Variants in PDE1C observed in about 807,000 individuals in gnomAD.
PDE1C encodes the protein dual specificity calcium/calmodulin-dependent 3',5'-cyclic nucleotide phosphodiesterase 1C.
In PDE1C, 62 loss-of-function variants were observed where a neutral mutation model predicts 93.1. That is an observed-to-expected ratio of 0.67 (90% CI 0.54 to 0.82). The LOEUF (loss-of-function observed/expected upper bound fraction) is 0.82, where lower values mean the gene tolerates loss of function less well. PDE1C is among the 40% of genes least tolerant of loss of function. The pLI is 0.00. For missense variants in PDE1C, 742 were observed against 884.6 expected, an observed-to-expected ratio of 0.84 and a Z score of 2.04; for synonymous variants, 325 against 310.1, an observed-to-expected ratio of 1.05 and a Z score of -0.50.
At chr7:32,387,543 G>C (rs9769785) in intron 1 of PDE1C, among the ~76,000 whole-genome samples, 1 of 140,592 alleles carries the variant, frequency 7.1e-6, no homozygotes, top group African/African-American at 2.6e-5. Context: ...GCGGCTGGCC[G>C]GGCAGAGGGG....
chr7:32,217,464 C>T (rs1365697854), intron 1 of PDE1C, among the ~76,000 whole-genome samples: 2 of 114,470 alleles, frequency 1.7e-5, no homozygotes, highest in Admixed American at 9.7e-5. Flanking sequence ...CTTCCTTTGC[C>T]CCCATGTGGT....
In PDE1C at chr7:31,823,110, G is replaced by A; in HGVS notation, c.1545C>T (p.His515=). 1 of 1,612,984 alleles carries A rather than the reference G, an allele frequency of 6.2e-7. No homozygotes were observed. The highest frequency in any genetic ancestry group is 8.5e-7 in the Non-Finnish European group (1 of 1,179,374). ...TGGCCCTCCATCTCTCCCGATTGAT[G>A]TGCACCACTTCCGTCCAAGTAGCTT... ...SFKATWTEVV[H]INRERWRAKV... Residue 515 remains histidine (H), a synonymous_variant, in exon 14 of 18, where the codon CAC becomes CAT. Transcript: ENST00000396191.
intron 1 of PDE1C, among the ~76,000 whole-genome samples, chr7:32,243,505 A>C (rs1223807667): frequency 6.6e-6 from 1 of 152,184 alleles, no homozygotes; most frequent in East Asian, 1.9e-4. Context: ...AGGTAGACTT[A>C]AAATGGTTCA....
At chr7:31,830,513 A>C (rs181364425) in intron 11 of PDE1C, among the ~76,000 whole-genome samples, 3 of 152,314 alleles carry the variant, frequency 2.0e-5, no homozygotes, top group Admixed American at 1.3e-4. Context: ...GATAATGAAT[A>C]TTTGTTGAAT....
chr7:31,997,462 A>G (rs1443810629), intron 2 of PDE1C, among the ~76,000 whole-genome samples: 1 of 152,168 alleles, frequency 6.6e-6, no homozygotes, highest in Non-Finnish European at 1.5e-5. Flanking sequence ...AAGCATTTCC[A>G]CAGAAAGCGT....
chr7:31,793,991 GATA>G (rs1784889155), intron 16 of PDE1C, among the ~76,000 whole-genome samples: 1 of 32,044 alleles, frequency 3.1e-5, no homozygotes, highest in East Asian at 6.0e-4. Context: ...AGATAAACCA[GATA>G]GATAGATAGA....
At chr7:31,852,314 C>A (rs1562921773) in intron 7 of PDE1C, among the ~76,000 whole-genome samples, 1 of 152,128 alleles carries the variant, frequency 6.6e-6, no homozygotes, top group Non-Finnish European at 1.5e-5. Context: ...TGTCAGGAAG[C>A]TTTCTGGCAT....
At chr7:32,021,289 T>C (rs1464840146) in intron 2 of PDE1C, among the ~76,000 whole-genome samples, 2 of 152,150 alleles carry the variant, frequency 1.3e-5, no homozygotes, top group Non-Finnish European at 2.9e-5. Context: ...TTGCAGACTC[T>C]ACATTTATTC....
At chr7:31,718,093 A>G in the PDE1C span, among the ~76,000 whole-genome samples, 2 of 152,172 alleles carry the variant, frequency 1.3e-5, no homozygotes, top group South Asian at 4.2e-4. Flanking sequence ...ATATTAATAC[A>G]GCCCTGGACT....
In PDE1C at chr7:32,308,085, C is replaced by T. The variant is rs540809751; in HGVS notation, c.311-98546G>A. ...GATGGCACACCAGGAGATTATATCCCGCACATGGCTCAGAGGGTCCAACGC... is the reference window on the plus strand; with the variant it reads ...GATGGCACACCAGGAGATTATATCCTGCACATGGCTCAGAGGGTCCAACGC... On this transcript the variant is annotated intron_variant, in intron 1 of 1. Coordinates refer to the PDE1C transcript ENST00000672256. Among the ~76,000 whole-genome samples the T allele has an allele frequency of 3.3e-5, 5 of 152,326 alleles. No individual in the cohort carries two copies. In the East Asian group the frequency reaches 5.8e-4, roughly 18 times the overall value.
At chr7:32,011,695 T>C (rs971208307) in intron 2 of PDE1C, among the ~76,000 whole-genome samples, 4 of 152,182 alleles carry the variant, frequency 2.6e-5, no homozygotes, top group African/African-American at 9.7e-5. Context: ...GACAAGGATA[T>C]GGAGCGACTA....
intron 2 of PDE1C, among the ~76,000 whole-genome samples, chr7:31,950,403 T>G (rs1807203658): frequency 6.6e-6 from 1 of 152,092 alleles, no homozygotes. Flanking sequence ...AAAGACCATC[T>G]CGATTTCAAT....
At chr7:32,087,848 T>G (rs912159414) in intron 3 of PDE1C, among the ~76,000 whole-genome samples, 1 of 146,114 alleles carries the variant, frequency 6.8e-6, no homozygotes, top group Admixed American at 6.8e-5. Flanking sequence ...CTAGGGACTG[T>G]TGTGGGGTGG....
chr7:31,695,792 A>T, the PDE1C span, among the ~76,000 whole-genome samples: 1 of 151,682 alleles, frequency 6.6e-6, no homozygotes, highest in Non-Finnish European at 1.5e-5. Context: ...TAACAGATAC[A>T]TTCTAAAATA....
the PDE1C span, among the ~76,000 whole-genome samples, chr7:31,625,076 T>A: frequency 2.0e-5 from 3 of 152,066 alleles, no homozygotes; most frequent in African/African-American, 7.2e-5. Flanking sequence ...CAATGAGATA[T>A]CATCTCACAC....
At chr7:31,740,143 T>TCTGAAG in the PDE1C span, among the ~76,000 whole-genome samples, 602 of 152,290 alleles carry the variant, frequency 4.0e-3, 2 homozygotes, top group African/African-American at 0.014. Flanking sequence ...GGCTAGAATG[T>TCTGAAG]GGCATTTCCA....
At chr7:32,121,344 A>G (rs1311757861) in intron 3 of PDE1C, among the ~76,000 whole-genome samples, 4 of 152,182 alleles carry the variant, frequency 2.6e-5, no homozygotes, top group Non-Finnish European at 5.9e-5. Context: ...TAACCTAGCA[A>G]AACAGACCAA....
At chr7:32,212,927 A>G (rs1037102205) in intron 1 of PDE1C, among the ~76,000 whole-genome samples, 1 of 152,120 alleles carries the variant, frequency 6.6e-6, no homozygotes, top group Non-Finnish European at 1.5e-5. Context: ...AGGCCCAAGA[A>G]TTTACATGTC....
At chr7:31,895,141 T>C (rs1221535914) in intron 2 of PDE1C, among the ~76,000 whole-genome samples, 1 of 152,052 alleles carries the variant, frequency 6.6e-6, no homozygotes, top group Non-Finnish European at 1.5e-5. Flanking sequence ...AGGAGGAAGA[T>C]TTCAGAGGTC....
Sources: gnomAD v4.1 joint callset for allele counts (sites outside exome capture counted in the v4.1 genomes callset) on GRCh38, gnomAD v4.1.1 for gene constraint, MANE v1.5 for transcripts, NCBI Gene and HGNC (gene_info 2026-07-23, HGNC 2026-07-21) for gene names.